Variants in NUBPL observed in about 807,000 individuals in gnomAD.
The protein encoded by NUBPL is iron-sulfur cluster transfer protein NUBPL.
In NUBPL, 31 loss-of-function variants were observed where a neutral mutation model predicts 45.7. The ratio of observed to expected loss-of-function variants is 0.68; its 90% CI spans 0.51 to 0.92. The LOEUF is 0.92. Ranked by LOEUF, NUBPL falls within the 40% of genes least tolerant of loss-of-function variation. The probability of loss-of-function intolerance (pLI) is 0.00; values close to 1 mark genes in which losing one functional copy is unlikely to be tolerated. For missense variants in NUBPL, 401 were observed against 398.7 expected (o/e 1.01, Z -0.05); for synonymous variants, 144 against 140.9 (o/e 1.02, Z -0.15).
chr14:31,846,591 G>A lies in NUBPL; in HGVS notation c.814G>A (p.Gly272Arg). 3 of 1,613,554 alleles carry A rather than the reference G, an allele frequency of 1.9e-6. No individual in the cohort carries two copies. The highest frequency in any genetic ancestry group is 1.7e-6 in the Non-Finnish European group (2 of 1,179,812). The change falls in exon 9 of 11, where the codon GGA becomes AGA. Residue 272 changes from glycine to arginine, a missense_variant and splice_region_variant. Physicochemically the swap from Gly to Arg is moderately radical, Grantham distance 125. Coordinates refer to ENST00000281081, the MANE Select transcript of NUBPL (RefSeq NM_025152.3). The stretch of plus-strand genomic sequence containing the variant: ...ACAGACCCTTGGTCTTGAAGTTCTA[G>A]GTAAGACTGTGGGATGTTCTTTTGT... ...LAQTLGLEVL[G>R]DIPLHLNIRE...
chr14:31,620,505 T>C (rs185962173), intron 4 of NUBPL, among the ~76,000 whole-genome samples: 186 of 152,350 alleles, frequency 1.2e-3, no homozygotes, highest in Non-Finnish European at 2.3e-3. Context: ...TATTCCTTTC[T>C]GTTTGTTACT....
At chr14:31,708,012 G>A (rs1310650593) in intron 6 of NUBPL, among the ~76,000 whole-genome samples, 1 of 152,166 alleles carries the variant, frequency 6.6e-6, no homozygotes, top group Non-Finnish European at 1.5e-5. Flanking sequence ...AGAGTGCGGG[G>A]GAATACAGAA....
intron 3 of NUBPL, among the ~76,000 whole-genome samples, chr14:31,588,792 A>G (rs1000284778): frequency 1.3e-5 from 2 of 151,590 alleles, no homozygotes; most frequent in African/African-American, 4.8e-5. Context: ...GGTAGCATGC[A>G]CTTGTAGTCC....
At chr14:31,741,238 G>A (rs2038277356) in intron 6 of NUBPL, among the ~76,000 whole-genome samples, 1 of 152,134 alleles carries the variant, frequency 6.6e-6, no homozygotes, top group Admixed American at 6.5e-5. Flanking sequence ...GTAAGGTATG[G>A]GCAAGTGCAG....
At chr14:31,661,221 G>A (rs890557727) in intron 4 of NUBPL, among the ~76,000 whole-genome samples, 14 of 152,172 alleles carry the variant, frequency 9.2e-5, no homozygotes, top group Non-Finnish European at 1.9e-4. Context: ...TTATGCTTCA[G>A]TGCATGAGCT....
At chr14:31,617,908 G>C (rs148746753) in intron 4 of NUBPL, among the ~76,000 whole-genome samples, 1 of 152,260 alleles carries the variant, frequency 6.6e-6, no homozygotes, top group Admixed American at 6.5e-5. Context: ...TCTGGGTCTG[G>C]ACTTTTTTTT....
chr14:31,838,970 C>T (rs1311789158), intron 8 of NUBPL, among the ~76,000 whole-genome samples: 5 of 152,004 alleles, frequency 3.3e-5, no homozygotes, highest in African/African-American at 1.2e-4. Flanking sequence ...TCAGGGCTTT[C>T]GTTGAAGTAT....
intron 4 of NUBPL, among the ~76,000 whole-genome samples, chr14:31,655,194 GA>G (rs983192931): frequency 7.7e-4 from 118 of 152,304 alleles, no homozygotes; most frequent in African/African-American, 2.7e-3. Context: ...CTTTCCAGGA[GA>G]TTTTCAATTG....
At chr14:31,573,930 A>G (rs546249420) in intron 3 of NUBPL, among the ~76,000 whole-genome samples, 1 of 152,296 alleles carries the variant, frequency 6.6e-6, no homozygotes, top group Non-Finnish European at 1.5e-5. Flanking sequence ...GTAATGGAAC[A>G]TAGTAGGTTC....
intron 6 of NUBPL, among the ~76,000 whole-genome samples, chr14:31,780,766 C>G (rs1356672886): frequency 1.3e-5 from 2 of 152,132 alleles, no homozygotes; most frequent in Non-Finnish European, 2.9e-5. Context: ...AGTCAAAGAT[C>G]TGATGAGAGT....
At chr14:31,859,002 C>T in intron 10 of NUBPL, 116 bp from the exon 11 acceptor site, 4 of 814,594 alleles carry the variant, frequency 4.9e-6, no homozygotes, top group South Asian at 2.9e-5. Flanking sequence ...TGAATTTCCT[C>T]ATCTCACTCA....
intron 10 of NUBPL, among the ~76,000 whole-genome samples, chr14:31,851,890 GTTCA>G (rs1156586705): frequency 4.6e-5 from 7 of 152,090 alleles, no homozygotes; most frequent in Admixed American, 3.9e-4. Flanking sequence ...GTTTTCACCT[GTTCA>G]TTATTTTTTC....
At chr14:31,727,617 T>C (rs980137611) in intron 6 of NUBPL, among the ~76,000 whole-genome samples, 2 of 152,244 alleles carry the variant, frequency 1.3e-5, no homozygotes, top group African/African-American at 4.8e-5. Context: ...ATGATGGATA[T>C]GGTTTCATAA....
intron 4 of NUBPL, among the ~76,000 whole-genome samples, chr14:31,652,415 C>T (rs1480359806): frequency 6.6e-6 from 1 of 152,142 alleles, no homozygotes; most frequent in Non-Finnish European, 1.5e-5. Flanking sequence ...GCATTGTGCA[C>T]TTGAAAATTG....
intron 4 of NUBPL, among the ~76,000 whole-genome samples, chr14:31,639,645 G>C (rs775194834): frequency 6.6e-6 from 1 of 152,208 alleles, no homozygotes; most frequent in African/African-American, 2.4e-5. Flanking sequence ...GTCTGCAGAC[G>C]TTACTGCTGT....
At chr14:31,701,776 A>T (rs1213410235) in intron 6 of NUBPL, among the ~76,000 whole-genome samples, 1 of 152,112 alleles carries the variant, frequency 6.6e-6, no homozygotes, top group East Asian at 1.9e-4. Context: ...GAACTTTAAC[A>T]CTCACTGCGA....
At chr14:31,824,505 C>T (rs1390206489) in intron 7 of NUBPL, among the ~76,000 whole-genome samples, 1 of 152,128 alleles carries the variant, frequency 6.6e-6, no homozygotes, top group Non-Finnish European at 1.5e-5. Context: ...CTTACAAAAT[C>T]AGTAAAATTC....
chr14:31,852,410 C>T (rs1466690710), intron 10 of NUBPL, among the ~76,000 whole-genome samples: 1 of 152,176 alleles, frequency 6.6e-6, no homozygotes, highest in African/African-American at 2.4e-5. Flanking sequence ...CGGTGGCTCA[C>T]GCCTGTAATC....
intron 3 of NUBPL, chr14:31,578,053 T>C (rs2033764077): frequency 9.0e-7 from 1 of 1,111,530 alleles, no homozygotes; most frequent in Non-Finnish European, 1.2e-6. Flanking sequence ...GATTACACTT[T>C]GGCAGAATTC....
Sources: gnomAD v4.1 joint callset for allele counts (sites outside exome capture counted in the v4.1 genomes callset) on GRCh38, gnomAD v4.1.1 for gene constraint, MANE v1.5 for transcripts, NCBI Gene and HGNC (gene_info 2026-07-23, HGNC 2026-07-21) for gene names.